The following QNG1 variants were observed in gnomAD, a reference collection of about 807,000 sequenced individuals.
The protein encoded by QNG1 is Q-nucleotide N-glycosylase 1.
At chr9:83,956,426 G>A in the QNG1 span, 24 of 1,576,940 alleles carry the variant, frequency 1.5e-5, no homozygotes, top group East Asian at 9.0e-5. Flanking sequence ...GTACGCCTCC[G>A]CTGTCAATAA....
At chr9:83,956,131 G>T in the QNG1 span, 1 of 1,599,676 alleles carries the variant, frequency 6.3e-7, no homozygotes. Context: ...AACCTCAAAG[G>T]CCGTTAGGTC....
the QNG1 span, among the ~76,000 whole-genome samples, chr9:83,948,941 G>A: frequency 6.6e-6 from 1 of 151,760 alleles, no homozygotes; most frequent in Non-Finnish European, 1.5e-5. Flanking sequence ...AAGTACCCAG[G>A]GACACAAACA....
chr9:83,944,070 C>T, the QNG1 span, among the ~76,000 whole-genome samples: 2 of 151,770 alleles, frequency 1.3e-5, no homozygotes, highest in Non-Finnish European at 2.9e-5. Flanking sequence ...GCCTGTAATC[C>T]CAGCACTTTG....
the QNG1 span, among the ~76,000 whole-genome samples, chr9:83,948,228 G>A: frequency 8.9e-5 from 13 of 146,760 alleles, no homozygotes; most frequent in Admixed American, 4.1e-4. Flanking sequence ...GGTGAGGAGC[G>A]TTTCTGGCCG....
At chr9:83,954,763 C>G in the QNG1 span, among the ~76,000 whole-genome samples, 564 of 149,034 alleles carry the variant, frequency 3.8e-3, no homozygotes, top group Non-Finnish European at 6.1e-3. Flanking sequence ...ACCTGTAATC[C>G]CAGCTAGTCG....
the QNG1 span, among the ~76,000 whole-genome samples, chr9:83,954,134 T>G: frequency 1.3e-5 from 2 of 152,044 alleles, no homozygotes; most frequent in African/African-American, 2.4e-5. Context: ...CCTCAGTTGA[T>G]CCACCTACCT....
the QNG1 span, chr9:83,955,661 T>G: frequency 2.5e-6 from 4 of 1,605,414 alleles, no homozygotes; most frequent in South Asian, 1.1e-5. Flanking sequence ...AAAATAAAAT[T>G]CAGAGGACCA....
chr9:83,951,359 G>A, the QNG1 span, among the ~76,000 whole-genome samples: 1 of 151,866 alleles, frequency 6.6e-6, no homozygotes, highest in Non-Finnish European at 1.5e-5. Flanking sequence ...TCAGGAGTTC[G>A]AGACCAGCCT....
the QNG1 span, among the ~76,000 whole-genome samples, chr9:83,949,133 C>G: frequency 1.1e-3 from 159 of 151,130 alleles, 1 homozygote; most frequent in Non-Finnish European, 1.5e-3. Context: ...TTTTCCAGAG[C>G]AAGTATACAT....
the QNG1 span, among the ~76,000 whole-genome samples, chr9:83,949,532 G>C: frequency 6.6e-6 from 1 of 152,184 alleles, no homozygotes; most frequent in African/African-American, 2.4e-5. Flanking sequence ...TGTAATCCCA[G>C]CTACTCGGGA....
At chr9:83,948,457 C>A in the QNG1 span, among the ~76,000 whole-genome samples, 2 of 141,712 alleles carry the variant, frequency 1.4e-5, no homozygotes, top group Non-Finnish European at 3.2e-5. Context: ...CGGCCAGCCG[C>A]CCCGTCGGGG....
the QNG1 span, chr9:83,955,297 T>C: frequency 6.9e-7 from 1 of 1,444,488 alleles, no homozygotes; most frequent in Admixed American, 2.3e-5. Context: ...ATTTAAGTTT[T>C]TATTCTTAAA....
the QNG1 span, among the ~76,000 whole-genome samples, chr9:83,951,959 C>T: frequency 6.6e-6 from 1 of 152,112 alleles, no homozygotes; most frequent in Admixed American, 6.6e-5. Flanking sequence ...ACGTTAAAAA[C>T]ACATGACTAG....
chr9:83,953,137 G>A, the QNG1 span, among the ~76,000 whole-genome samples: 3 of 151,634 alleles, frequency 2.0e-5, no homozygotes, highest in Non-Finnish European at 2.9e-5. Flanking sequence ...GCATGGTGGC[G>A]GATGCCTGTA....
At chr9:83,955,497 CCAGCAGAATTTTCCCGGTTT>C in the QNG1 span, 1 of 1,614,052 alleles carries the variant, frequency 6.2e-7, no homozygotes, top group Non-Finnish European at 8.5e-7. Context: ...CCAAACTTCT[CCAGCAGAATTTTCCCGGTTT>C]CATTGAGAAT....
chr9:83,941,230 A>G, the QNG1 span, among the ~76,000 whole-genome samples: 1 of 152,232 alleles, frequency 6.6e-6, no homozygotes, highest in Non-Finnish European at 1.5e-5. Context: ...TTTGTTACAC[A>G]GCAATAGATA....
the QNG1 span, chr9:83,956,421 C>T: frequency 1.3e-6 from 2 of 1,580,808 alleles, no homozygotes; most frequent in Admixed American, 3.7e-5. Context: ...CCTCCGTACG[C>T]CTCCGCTGTC....
chr9:83,944,965 G>A, the QNG1 span: 50 of 1,604,736 alleles, frequency 3.1e-5, no homozygotes, highest in African/African-American at 4.0e-5. Flanking sequence ...ATTTGGGCTC[G>A]TTTGTAAAAA....
the QNG1 span, among the ~76,000 whole-genome samples, chr9:83,941,067 C>T: frequency 1.3e-5 from 2 of 152,208 alleles, no homozygotes; most frequent in African/African-American, 4.8e-5. Context: ...CGGAGGCAGA[C>T]GCTCCCACCC....
Sources: gnomAD v4.1 joint callset for allele counts (sites outside exome capture counted in the v4.1 genomes callset) on GRCh38, gnomAD v4.1.1 for gene constraint, MANE v1.5 for transcripts, NCBI Gene and HGNC (gene_info 2026-07-23, HGNC 2026-07-21) for gene names.